MAP3K15: variants seen among roughly 807,000 people sequenced by gnomAD.
MAP3K15 encodes the protein mitogen-activated protein kinase kinase kinase 15, also known as MAPK/ERK kinase kinase 15.
In MAP3K15, 124 loss-of-function variants were observed where a neutral mutation model predicts 99.5. The observed-to-expected ratio is 1.25, with a 90% CI of 1.08 to 1.45. The LOEUF (loss-of-function observed/expected upper bound fraction) is 1.45. MAP3K15 is among the 40% of genes most tolerant of loss of function. MAP3K15 has a pLI of 0.00. For missense variants in MAP3K15, 1,242 were observed against 1,079.7 expected (o/e 1.15, Z -2.11); for synonymous variants, 494 against 439.6 (o/e 1.12, Z -1.55).
At chrX:19,448,052 A>G (rs908006615) in intron 6 of MAP3K15, among the ~76,000 whole-genome samples, 1 of 107,652 alleles carries the variant, frequency 9.3e-6, no homozygotes, top group Admixed American at 9.9e-5. Flanking sequence ...AGGAAAGTCA[A>G]TGTTTCCTAA....
At chrX:19,401,583 TACAG>T (rs1489063413) in intron 13 of MAP3K15, among the ~76,000 whole-genome samples, 1 of 111,648 alleles carries the variant, frequency 9.0e-6, no homozygotes, top group Non-Finnish European at 1.9e-5. Flanking sequence ...CCTCTCAAAG[TACAG>T]ACAATCTAGT....
chrX:19,381,969 G>T (rs2063460809), intron 18 of MAP3K15, among the ~76,000 whole-genome samples: 1 of 112,241 alleles, frequency 8.9e-6, no homozygotes, highest in Non-Finnish European at 1.9e-5. Context: ...GCAGGGCCGG[G>T]CATGGTGGCT....
At chrX:19,427,420 A>G (rs2063841279) in intron 7 of MAP3K15, among the ~76,000 whole-genome samples, 1 of 111,685 alleles carries the variant, frequency 9.0e-6, no homozygotes, top group Non-Finnish European at 1.9e-5. Flanking sequence ...GCTTTTAACA[A>G]TATGGAGTTG....
intron 14 of MAP3K15, among the ~76,000 whole-genome samples, chrX:19,399,723 C>T (rs1294313260): frequency 3.7e-5 from 3 of 80,160 alleles, no homozygotes; most frequent in Admixed American, 3.9e-4. Flanking sequence ...TCAGCAACAG[C>T]GTGAGACTCT....
intron 24 of MAP3K15, 113 bp downstream of exon 24, chrX:19,370,846 A>G (rs2063369386): frequency 3.3e-6 from 2 of 597,604 alleles, no homozygotes; most frequent in South Asian, 5.1e-5. Flanking sequence ...TTTAATTCCA[A>G]GGAAGTAGAT....
chrX:19,505,977 G>C (rs912919937), intron 1 of MAP3K15, among the ~76,000 whole-genome samples: 1 of 110,701 alleles, frequency 9.0e-6, no homozygotes, highest in Non-Finnish European at 1.9e-5. Context: ...TCGTTGCTCA[G>C]GCTGTAGTGC....
At chrX:19,452,450 A>G (rs190631965) in intron 6 of MAP3K15, among the ~76,000 whole-genome samples, 19 of 110,941 alleles carry the variant, frequency 1.7e-4, no homozygotes, top group African/African-American at 5.2e-4. Context: ...AAAAAAATTA[A>G]AAATAGGACT....
chrX:19,445,187 G>A (rs1399926883), intron 6 of MAP3K15, among the ~76,000 whole-genome samples: 1 of 110,526 alleles, frequency 9.0e-6, no homozygotes, highest in Admixed American at 9.7e-5. Flanking sequence ...AACTTCCTAG[G>A]CTCATCTCCC....
rs138205484 is a variant in MAP3K15 at position 19,457,170 on chromosome X, T to C, written c.889-151A>G. ...TAGTGAAGTTACTTGTAGCCTTTAA[T>C]AGGAGGGAAAAAGACCAGAAAATAA... On this transcript the variant is annotated intron_variant, in intron 5 of 28. Coordinates refer to ENST00000338883, the MANE Select transcript of MAP3K15 (RefSeq NM_001001671.4). Among the ~76,000 whole-genome samples the C allele has an allele frequency of 2.2e-3, 242 of 111,333 alleles. No individual in the cohort carries two copies. The highest frequency in any genetic ancestry group is 4.2e-3 in the Non-Finnish European group (224 of 53,073).
intron 4 of MAP3K15, among the ~76,000 whole-genome samples, chrX:19,462,096 G>C: frequency 9.0e-6 from 1 of 110,833 alleles, no homozygotes; most frequent in Non-Finnish European, 1.9e-5. Context: ...TCATTAAAAA[G>C]AGAGTAAGCT....
At chrX:19,435,734 A>T (rs966915019) in intron 6 of MAP3K15, among the ~76,000 whole-genome samples, 1 of 112,427 alleles carries the variant, frequency 8.9e-6, no homozygotes, top group South Asian at 3.7e-4. Context: ...GTATCCAAGA[A>T]CAAGCCTACA....
intron 1 of MAP3K15, chrX:19,496,384 A>G (rs1002574971): frequency 3.0e-4 from 33 of 111,122 alleles, no homozygotes; most frequent in African/African-American, 1.1e-3. Flanking sequence ...CATTATTTTC[A>G]TCTTCGTCAT....
intron 6 of MAP3K15, among the ~76,000 whole-genome samples, chrX:19,433,981 C>T (rs1013456609): frequency 9.0e-6 from 1 of 111,180 alleles, no homozygotes; most frequent in African/African-American, 3.3e-5. Context: ...TGTAATTACC[C>T]AGAGGAACAT....
At chrX:19,363,662 T>TG (rs1451339052) in intron 25 of MAP3K15, among the ~76,000 whole-genome samples, 1 of 107,833 alleles carries the variant, frequency 9.3e-6, no homozygotes, top group African/African-American at 3.4e-5. Context: ...TTTTGTTTTT[T>TG]TTTTTTTGGA....
At chrX:19,474,939 A>G (rs1392886970) in intron 3 of MAP3K15, among the ~76,000 whole-genome samples, 1 of 111,022 alleles carries the variant, frequency 9.0e-6, no homozygotes, top group Non-Finnish European at 1.9e-5. Flanking sequence ...GTGGTCCCCA[A>G]CCTTTTTGGC....
chrX:19,501,236 T>G (rs1336398715), intron 1 of MAP3K15, among the ~76,000 whole-genome samples: 1 of 112,090 alleles, frequency 8.9e-6, no homozygotes, highest in Non-Finnish European at 1.9e-5. Flanking sequence ...AGAAGGCTTC[T>G]GAGTTACAAC....
chrX:19,447,421 T>A (rs1315860250), intron 6 of MAP3K15, among the ~76,000 whole-genome samples: 230 of 112,024 alleles, frequency 2.1e-3, no homozygotes, highest in Non-Finnish European at 3.7e-3. Flanking sequence ...TGTGATATAC[T>A]ACAAAGTGTT....
intron 6 of MAP3K15, among the ~76,000 whole-genome samples, chrX:19,437,583 T>C (rs2063930701): frequency 8.9e-6 from 1 of 111,955 alleles, no homozygotes; most frequent in Non-Finnish European, 1.9e-5. Context: ...ATAGGTGTGG[T>C]CTTCTCTGAG....
At position 19,462,205 on chromosome X, in the gene MAP3K15, TGTACATACA is replaced by T. The variant is rs748753736; in HGVS notation, c.719+1999_719+2007del. ...TAATTACAAAACAATGCCAAATATG[TGTACATACA>T]GTACATAACCTGGTCCAATGCTCAC... is the stretch of plus-strand genomic sequence containing the variant. On this transcript the variant is annotated intron_variant, in intron 4 of 28. Coordinates refer to ENST00000338883, the MANE Select transcript of MAP3K15 (RefSeq NM_001001671.4). Among the ~76,000 whole-genome samples the T allele has an allele frequency of 2.4e-3, 274 of 112,387 alleles. 2 individuals carry two copies. Among genetic ancestry groups the T allele is most frequent in the African/African-American group, 8.6e-3 (266 of 30,961 alleles).
Sources: allele counts gnomAD v4.1 joint callset (sites outside exome capture counted in the v4.1 genomes callset), GRCh38; gene constraint gnomAD v4.1.1; transcripts MANE v1.5; gene names NCBI Gene and HGNC (gene_info 2026-07-23, HGNC 2026-07-21).